Variants in OCM2 observed in about 807,000 individuals in gnomAD.
OCM2 encodes the protein oncomodulin-2.
Under a neutral mutation model 13.6 loss-of-function variants are expected in OCM2, and 6 were observed. The observed-to-expected ratio is 0.44, with a 90% CI of 0.24 to 0.87. OCM2 has a LOEUF of 0.87. Ranked by LOEUF, OCM2 falls within the 40% of genes least tolerant of loss-of-function variation. OCM2 has a pLI of 0.22. For synonymous variants in OCM2, 40 were observed against 50.7 expected (o/e 0.79, Z 0.90); for missense variants, 118 against 136.8 (o/e 0.86, Z 0.68).
At chr7:97,989,574 T>A (rs1483713722) in intron 1 of OCM2, among the ~76,000 whole-genome samples, 1 of 151,714 alleles carries the variant, frequency 6.6e-6, no homozygotes, top group Non-Finnish European at 1.5e-5. Flanking sequence ...TAGTTTTTAT[T>A]TTTATTGTTA....
intron 3 of OCM2, among the ~76,000 whole-genome samples, chr7:97,986,732 G>A (rs553309204): frequency 1.3e-5 from 2 of 152,226 alleles, no homozygotes; most frequent in Admixed American, 6.5e-5. Flanking sequence ...CTATATGCAG[G>A]TGCATTATGG....
chr7:97,986,242 C>T (rs566906826), intron 3 of OCM2, among the ~76,000 whole-genome samples: 8 of 152,184 alleles, frequency 5.3e-5, no homozygotes, highest in Admixed American at 2.6e-4. Flanking sequence ...GGCAATCCCC[C>T]CTTACCTAAT....
At chr7:97,989,989 C>G (rs562889236) in intron 1 of OCM2, 55 bp downstream of exon 1, 1 of 1,585,128 alleles carries the variant, frequency 6.3e-7, no homozygotes, top group Non-Finnish European at 8.7e-7. Flanking sequence ...TGTGTTGCCT[C>G]GCTGGAGGGG....
exon 4 of OCM2, chr7:97,984,970 C>T: frequency 6.2e-7 from 1 of 1,614,048 alleles, no homozygotes; most frequent in Non-Finnish European, 8.5e-7. Context: ...AAGAATGCAC[C>T]ATTTCCTGGA....
chr7:97,986,890 T>A (rs1470954316), intron 3 of OCM2, among the ~76,000 whole-genome samples, 157 bp downstream of exon 3: 2 of 152,110 alleles, frequency 1.3e-5, no homozygotes, highest in African/African-American at 4.8e-5. Flanking sequence ...ATCATTTGCA[T>A]CCTTACTTTA....
At chr7:97,988,454 G>C (rs781475330) in exon 2 of OCM2, 8 of 1,614,030 alleles carry the variant, frequency 5.0e-6, no homozygotes, top group Non-Finnish European at 6.8e-6. Context: ...TCTGGTCGTT[G>C]TCTATGAACC....
intron 2 of OCM2, among the ~76,000 whole-genome samples, chr7:97,987,707 G>A (rs958556932): frequency 6.6e-6 from 1 of 150,394 alleles, no homozygotes; most frequent in Non-Finnish European, 1.5e-5. Flanking sequence ...ATTTATTTGA[G>A]ACAGAGTCTC....
intron 2 of OCM2, among the ~76,000 whole-genome samples, chr7:97,987,618 G>C (rs1347204811): frequency 6.6e-6 from 1 of 151,950 alleles, no homozygotes; most frequent in Non-Finnish European, 1.5e-5. Flanking sequence ...CCTCCCAAAG[G>C]GCTGGGATTG....
intron 3 of OCM2, among the ~76,000 whole-genome samples, chr7:97,986,690 G>A (rs1794675566): frequency 1.3e-5 from 2 of 152,044 alleles, no homozygotes; most frequent in African/African-American, 2.4e-5. Flanking sequence ...TATTCTGAGG[G>A]GTTCAAACCC....
At chr7:97,986,564 A>G (rs952468713) in intron 3 of OCM2, among the ~76,000 whole-genome samples, 3 of 152,134 alleles carry the variant, frequency 2.0e-5, no homozygotes, top group African/African-American at 7.2e-5. Context: ...TCTGTTTAAT[A>G]TTATCCCCTT....
chr7:97,989,034 G>C (rs1487380829), intron 1 of OCM2, among the ~76,000 whole-genome samples: 5 of 150,240 alleles, frequency 3.3e-5, no homozygotes, highest in Non-Finnish European at 7.4e-5. Flanking sequence ...AGGTTCAACT[G>C]ATTCTCCTGC....
intron 3 of OCM2, among the ~76,000 whole-genome samples, chr7:97,986,065 A>G (rs1207871307): frequency 1.3e-5 from 2 of 152,126 alleles, no homozygotes; most frequent in African/African-American, 4.8e-5. Context: ...GGTGCCCACC[A>G]CCATGCCCGG....
Position 97,989,326 on chromosome 7 carries a change from T to C in OCM2, c.61+718A>G, listed in dbSNP as rs1307455677. ...TCCCAGATCTCTATAATTTTAGTTA[T>C]CTAATAAATAGTAGTTTTCTTCTCT... On this transcript the variant is annotated intron_variant, in intron 1 of 3. Transcript: ENST00000257627. 2.6e-5 allele frequency among the ~76,000 whole-genome samples: 4 copies of C among 152,130 alleles called. No individual in the cohort carries two copies. The South Asian group carries it at 8.3e-4, about 32-fold the overall frequency.
chr7:97,988,007 A>G (rs1334943872), intron 2 of OCM2, among the ~76,000 whole-genome samples: 3 of 152,056 alleles, frequency 2.0e-5, no homozygotes, highest in Admixed American at 6.6e-5. Context: ...GCCTGGCAAC[A>G]TGGTGAAACC....
At position 97,985,107 on chromosome 7, in the gene OCM2, C is replaced by G. The variant is rs1027740162; in HGVS notation, c.305-124G>C. On this transcript the variant is annotated intron_variant, in intron 3 of 3. Coordinates refer to ENST00000257627, the Ensembl canonical transcript of OCM2. ...GAAAATTGTCAGATGATGGGCATGG[C>G]CCCCTTGGAGGGCACAAAAGAAAGA... 4.6e-6 allele frequency: 4 copies of G among 868,820 alleles called. No individual in the cohort carries two copies. In the East Asian group the frequency reaches 1.0e-4, roughly 22 times the overall value. The allele number at this position is 868,820 out of a possible 1,614,324, so 53.8% of individuals were successfully genotyped here.
At chr7:97,987,536 G>A (rs1794684902) in intron 2 of OCM2, among the ~76,000 whole-genome samples, 2 of 151,626 alleles carry the variant, frequency 1.3e-5, no homozygotes, top group African/African-American at 4.8e-5. Flanking sequence ...TTTTTGTAGA[G>A]ACAAGGTTTT....
intron 2 of OCM2, 30 bp downstream of exon 2, chr7:97,988,386 G>C (rs770491926): frequency 3.7e-6 from 6 of 1,613,618 alleles, no homozygotes; most frequent in Non-Finnish European, 3.4e-6. Context: ...AGCAGTGCCA[G>C]GTACCAGACA....
At chr7:97,988,135 G>A (rs1794690398) in intron 2 of OCM2, among the ~76,000 whole-genome samples, 1 of 151,850 alleles carries the variant, frequency 6.6e-6, no homozygotes, top group East Asian at 1.9e-4. Flanking sequence ...AGGCTGCAGG[G>A]AGCTGAGATC....
At chr7:97,988,445 C>G in exon 2 of OCM2, 9 of 1,614,152 alleles carry the variant, frequency 5.6e-6, no homozygotes, top group Non-Finnish European at 7.6e-6. Flanking sequence ...GATACCCGCT[C>G]TGGTCGTTGT....
Sources: gnomAD v4.1 joint callset for allele counts (sites outside exome capture counted in the v4.1 genomes callset) on GRCh38, gnomAD v4.1.1 for gene constraint, MANE v1.5 for transcripts, NCBI Gene and HGNC (gene_info 2026-07-23, HGNC 2026-07-21) for gene names.